The following SMYD3 variants were observed in gnomAD, a reference collection of about 807,000 sequenced individuals.
SMYD3 encodes the protein SET and MYND domain containing 3.
SMYD3 carries 36 observed loss-of-function variants against 57.7 expected under a neutral mutation model. That is an observed-to-expected ratio of 0.62 (90% confidence interval 0.48 to 0.82). The LOEUF (loss-of-function observed/expected upper bound fraction) is 0.82. Ranked by LOEUF, SMYD3 falls within the 40% of genes least tolerant of loss-of-function variation. The pLI, the probability that SMYD3 is intolerant of heterozygous loss-of-function variation, is 0.00. For synonymous variants in SMYD3, 211 were observed against 195.0 expected, an observed-to-expected ratio of 1.08 and a Z score of -0.68; for missense variants, 515 against 538.8, an observed-to-expected ratio of 0.96 and a Z score of 0.44.
chr1:246,191,327 A>G (rs2062735656), intron 5 of SMYD3, among the ~76,000 whole-genome samples: 1 of 152,218 alleles, frequency 6.6e-6, no homozygotes, highest in Non-Finnish European at 1.5e-5. Context: ...ACCGCAAGCT[A>G]GAGTGAAAAA....
At chr1:245,764,206 T>C (rs2045974290) in intron 10 of SMYD3, 57 bp from the exon 11 acceptor site, 1 of 1,191,584 alleles carries the variant, frequency 8.4e-7, no homozygotes. Context: ...CAGTCAGCAT[T>C]TCATCAGGAG....
intron 5 of SMYD3, among the ~76,000 whole-genome samples, chr1:246,011,356 C>A (rs1431143094): frequency 1.3e-5 from 2 of 152,158 alleles, no homozygotes; most frequent in African/African-American, 2.4e-5. Flanking sequence ...TAGGAATCAT[C>A]AGCTGGTGTC....
Position 246,190,454 on chromosome 1 carries a change from A to G in SMYD3, c.531+136747T>C, listed in dbSNP as rs534012499. ...ACAAAAATTAGCCAGGCGTGGTGGC[A>G]GGCACCTGTAGTCCCAGCTACTCGG... On this transcript the variant is annotated intron_variant, in intron 5 of 11. Coordinates refer to ENST00000490107, the MANE Select transcript of SMYD3 (RefSeq NM_001167740.2). Among the ~76,000 whole-genome samples, 882 of 151,986 alleles carry G rather than the reference A, an allele frequency of 5.8e-3. 9 individuals are homozygous for G. Among genetic ancestry groups the G allele is most frequent in the Non-Finnish European group, 4.9e-3 (333 of 67,948 alleles).
chr1:246,134,809 C>T (rs966042114), intron 5 of SMYD3, among the ~76,000 whole-genome samples: 5 of 151,720 alleles, frequency 3.3e-5, no homozygotes, highest in African/African-American at 1.2e-4. Context: ...CCCCCCCCTG[C>T]CGCTTTTAAT....
chr1:246,166,567 G>A (rs1389147607), intron 5 of SMYD3, among the ~76,000 whole-genome samples: 1 of 152,134 alleles, frequency 6.6e-6, no homozygotes, highest in Non-Finnish European at 1.5e-5. Flanking sequence ...AATTCTTAAA[G>A]GCTGTTGGTT....
At chr1:246,033,110 A>G (rs2059707632) in intron 5 of SMYD3, among the ~76,000 whole-genome samples, 1 of 152,104 alleles carries the variant, frequency 6.6e-6, no homozygotes, top group South Asian at 2.1e-4. Flanking sequence ...GAATGTTTAC[A>G]GCAACTTTAT....
At chr1:246,376,423 T>C (rs1048383498) in intron 1 of SMYD3, among the ~76,000 whole-genome samples, 1 of 151,230 alleles carries the variant, frequency 6.6e-6, no homozygotes, top group Non-Finnish European at 1.5e-5. Flanking sequence ...AAACCCCATC[T>C]CTACTAAAAA....
At chr1:246,420,777 G>A (rs2067131719) in intron 1 of SMYD3, among the ~76,000 whole-genome samples, 1 of 152,154 alleles carries the variant, frequency 6.6e-6, no homozygotes, top group Non-Finnish European at 1.5e-5. Context: ...TAAAATTATA[G>A]CATAGGTTAG....
intron 5 of SMYD3, among the ~76,000 whole-genome samples, chr1:246,324,985 A>ACGG (rs2065315287): frequency 1.6e-5 from 1 of 63,862 alleles, no homozygotes; most frequent in African/African-American, 5.9e-5. Context: ...AGAAGGAGTC[A>ACGG]GGGGGCGGGA....
chr1:246,363,448 T>G (rs532541572), intron 1 of SMYD3, among the ~76,000 whole-genome samples: 43 of 149,456 alleles, frequency 2.9e-4, no homozygotes, highest in Admixed American at 6.0e-4. Context: ...GAACGGGCCA[T>G]GATGACAATG....
intron 2 of SMYD3, among the ~76,000 whole-genome samples, chr1:246,354,547 C>T (rs2065880520): frequency 6.6e-6 from 1 of 150,946 alleles, no homozygotes; most frequent in South Asian, 2.1e-4. Context: ...TTATTATGGT[C>T]AATTCATACA....
chr1:246,255,695 A>G (rs892284280), intron 5 of SMYD3, among the ~76,000 whole-genome samples: 2 of 150,714 alleles, frequency 1.3e-5, no homozygotes, highest in African/African-American at 4.9e-5. Flanking sequence ...GGCTTGGTAT[A>G]GTTTCAAAAT....
At chr1:245,933,772 T>TA (rs2056853804) in intron 5 of SMYD3, among the ~76,000 whole-genome samples, 1 of 152,196 alleles carries the variant, frequency 6.6e-6, no homozygotes, top group African/African-American at 2.4e-5. Flanking sequence ...TTCTTAGGAC[T>TA]AAAGGCTTTG....
intron 5 of SMYD3, among the ~76,000 whole-genome samples, chr1:246,110,795 G>A (rs896073702): frequency 3.9e-5 from 6 of 152,162 alleles, no homozygotes; most frequent in East Asian, 1.9e-4. Flanking sequence ...TGAGTCACCC[G>A]GGATGTTTAC....
chr1:245,923,415 A>G (rs2056132464), intron 7 of SMYD3, among the ~76,000 whole-genome samples: 1 of 152,098 alleles, frequency 6.6e-6, no homozygotes, highest in Non-Finnish European at 1.5e-5. Flanking sequence ...AGACCAGCCA[A>G]TGTTATGAAA....
intron 7 of SMYD3, among the ~76,000 whole-genome samples, chr1:245,920,237 C>G (rs1039806024): frequency 4.2e-5 from 6 of 143,196 alleles, no homozygotes; most frequent in Non-Finnish European, 8.9e-5. Flanking sequence ...GGCGTGAACT[C>G]GGGAGGCGGA....
At chr1:246,231,415 A>C (rs2063407321) in intron 5 of SMYD3, among the ~76,000 whole-genome samples, 1 of 152,214 alleles carries the variant, frequency 6.6e-6, no homozygotes, top group South Asian at 2.1e-4. Context: ...GAAGAGTATA[A>C]TACATAAAAG....
chr1:245,997,644 G>C (rs1163745336), intron 5 of SMYD3, among the ~76,000 whole-genome samples: 1 of 152,170 alleles, frequency 6.6e-6, no homozygotes, highest in Non-Finnish European at 1.5e-5. Flanking sequence ...AGGCCAGCAG[G>C]CTATGCAGTT....
At position 245,764,035 on chromosome 1, in the gene SMYD3, A is replaced by G; in HGVS notation, c.1185+6T>C. Reference sequence around the variant, plus strand: ...GCAGAACTATGTGAGATCTTGGCACACTCACCAGTCTCAGATTCTTCATTG... The same window carrying G: ...GCAGAACTATGTGAGATCTTGGCACGCTCACCAGTCTCAGATTCTTCATTG... On this transcript the variant is annotated splice_donor_region_variant and intron_variant, in intron 11 of 11. Transcript: ENST00000490107. 6.2e-7 allele frequency: 1 copy of G among 1,605,780 alleles called. No individual in the cohort carries two copies. The highest frequency in any genetic ancestry group is 8.5e-7 in the Non-Finnish European group (1 of 1,172,514).
Sources: allele counts gnomAD v4.1 joint callset (sites outside exome capture counted in the v4.1 genomes callset), GRCh38; gene constraint gnomAD v4.1.1; transcripts MANE v1.5; gene names NCBI Gene and HGNC (gene_info 2026-07-23, HGNC 2026-07-21).